The following SLC4A10 variants were observed in gnomAD, a reference collection of about 807,000 sequenced individuals.
The protein encoded by SLC4A10 is solute carrier family 4 member 10, also known as sodium-driven chloride bicarbonate exchanger.
SLC4A10 carries 42 observed loss-of-function variants against 137.7 expected under a neutral mutation model. That is an observed-to-expected ratio of 0.30 (90% CI 0.24 to 0.39). The LOEUF is 0.39. Ranked by LOEUF, SLC4A10 falls within the 10% of genes least tolerant of loss-of-function variation. The pLI is 1.00. For synonymous variants in SLC4A10, 474 were observed against 464.1 expected (o/e 1.02, Z -0.27); for missense variants, 925 against 1,355.0 (o/e 0.68, Z 4.98).
At chr2:161,652,307 G>T (rs79227269) in intron 1 of SLC4A10, among the ~76,000 whole-genome samples, 3 of 152,110 alleles carry the variant, frequency 2.0e-5, no homozygotes, top group Non-Finnish European at 4.4e-5. Context: ...TCTTTTACAC[G>T]TTGGGGTATG....
At chr2:161,902,699 T>G (rs1047469237) in intron 12 of SLC4A10, among the ~76,000 whole-genome samples, 3 of 152,152 alleles carry the variant, frequency 2.0e-5, no homozygotes, top group African/African-American at 4.8e-5. Context: ...GTAGAAGAGT[T>G]ATTAATAGGT....
At chr2:161,848,604 G>A (rs531154185) in intron 4 of SLC4A10, among the ~76,000 whole-genome samples, 4 of 152,150 alleles carry the variant, frequency 2.6e-5, no homozygotes, top group African/African-American at 7.2e-5. Context: ...CATATGGCTA[G>A]CCAGTTATCC....
chr2:161,979,802 C>G (rs189246546), intron 26 of SLC4A10, among the ~76,000 whole-genome samples: 2 of 152,264 alleles, frequency 1.3e-5, no homozygotes, highest in South Asian at 4.2e-4. Flanking sequence ...GCCTTTGACA[C>G]CCCCCATTCT....
Position 161,957,228 on chromosome 2 carries a change from C to A in SLC4A10, c.2781C>A (p.Thr927=), listed in dbSNP as rs1487295139. Residue 927 remains threonine, a synonymous_variant, in exon 20 of 27, where the codon ACC becomes ACA. Transcript: ENST00000446997. ...FILMGSSVFM[T]SILKFIPMPV... ...TTATGGGTTCATCAGTCTTTATGACCAGTATTCTGAAGGTAACAAAATCTG... is the reference window on the plus strand; with the variant it reads ...TTATGGGTTCATCAGTCTTTATGACAAGTATTCTGAAGGTAACAAAATCTG... 1.9e-6 allele frequency: 3 copies of A among 1,613,220 alleles called. No individual in the cohort carries two copies. The highest frequency in any genetic ancestry group is 1.7e-6 in the Non-Finnish European group (2 of 1,179,608).
chr2:161,717,501 G>A (rs1466224863), intron 1 of SLC4A10, among the ~76,000 whole-genome samples: 2 of 152,098 alleles, frequency 1.3e-5, no homozygotes, highest in Non-Finnish European at 2.9e-5. Context: ...TTAAGACGAA[G>A]GGATGTTGAA....
intron 3 of SLC4A10, among the ~76,000 whole-genome samples, chr2:161,821,087 G>A (rs1225276823): frequency 1.3e-5 from 2 of 152,110 alleles, no homozygotes; most frequent in Admixed American, 1.3e-4. Context: ...TTCTCTTCTA[G>A]GAAGTGCCTA....
chr2:161,948,273 A>C (rs895351489), intron 17 of SLC4A10, among the ~76,000 whole-genome samples: 3 of 152,116 alleles, frequency 2.0e-5, no homozygotes, highest in African/African-American at 7.2e-5. Context: ...AAAAAATTTA[A>C]AAAAAGGAAA....
intron 1 of SLC4A10, among the ~76,000 whole-genome samples, chr2:161,650,566 C>T (rs1158474577): frequency 6.6e-6 from 1 of 152,120 alleles, no homozygotes; most frequent in African/African-American, 2.4e-5. Context: ...CTGGGCATCC[C>T]GGCACTCTCG....
At chr2:161,725,581 G>A (rs144742386) in intron 1 of SLC4A10, among the ~76,000 whole-genome samples, 1,892 of 152,156 alleles carry the variant, frequency 0.012, 39 homozygotes, top group South Asian at 0.057. Flanking sequence ...CTCTCCTATT[G>A]GCTTGCCTGT....
At chr2:161,757,001 G>A (rs946171150) in intron 1 of SLC4A10, among the ~76,000 whole-genome samples, 4 of 152,212 alleles carry the variant, frequency 2.6e-5, no homozygotes, top group Admixed American at 6.5e-5. Context: ...AGAAAATGAG[G>A]CAGTATGTGC....
At chr2:161,894,648 G>A in intron 10 of SLC4A10, 31 bp from the exon 11 acceptor site, 1 of 1,133,838 alleles carries the variant, frequency 8.8e-7, no homozygotes. Flanking sequence ...TTATTTTTAA[G>A]CTATAAATAA....
intron 1 of SLC4A10, among the ~76,000 whole-genome samples, chr2:161,759,663 T>G (rs1212809117): frequency 5.9e-5 from 9 of 152,024 alleles, no homozygotes; most frequent in African/African-American, 2.2e-4. Context: ...GGAAAAATGT[T>G]TACTCAGGTC....
chr2:161,721,327 C>T (rs1332933854), intron 1 of SLC4A10, among the ~76,000 whole-genome samples: 2 of 152,100 alleles, frequency 1.3e-5, no homozygotes, highest in Non-Finnish European at 2.9e-5. Flanking sequence ...TAATGATTTT[C>T]CCTTTCATAT....
intron 15 of SLC4A10, among the ~76,000 whole-genome samples, chr2:161,938,170 C>T (rs1188604610): frequency 6.6e-6 from 1 of 152,102 alleles, no homozygotes; most frequent in Non-Finnish European, 1.5e-5. Context: ...ATTCGGGAGG[C>T]TGAGGCACGA....
chr2:161,873,865 T>G, intron 7 of SLC4A10, 51 bp from the exon 8 acceptor site: 1 of 1,540,392 alleles, frequency 6.5e-7, no homozygotes, highest in Admixed American at 1.9e-5. Context: ...CCTGGCGGAG[T>G]CTCCGTGGGA....
chr2:161,909,789 C>G (rs956770085), intron 15 of SLC4A10, among the ~76,000 whole-genome samples: 1 of 152,130 alleles, frequency 6.6e-6, no homozygotes, highest in South Asian at 2.1e-4. Flanking sequence ...CTAATTACTG[C>G]TATTTTAATG....
chr2:161,973,465 G>T (rs570440178), intron 23 of SLC4A10, among the ~76,000 whole-genome samples: 1 of 152,106 alleles, frequency 6.6e-6, no homozygotes, highest in African/African-American at 2.4e-5. Context: ...AGAAATGCAT[G>T]TATAAATATA....
At chr2:161,935,731 G>A (rs1691465314) in intron 15 of SLC4A10, among the ~76,000 whole-genome samples, 1 of 151,968 alleles carries the variant, frequency 6.6e-6, no homozygotes, top group Non-Finnish European at 1.5e-5. Context: ...GTGCAAATAA[G>A]GATAATTTTC....
At chr2:161,676,669 A>G (rs904169624) in intron 1 of SLC4A10, among the ~76,000 whole-genome samples, 1 of 152,138 alleles carries the variant, frequency 6.6e-6, no homozygotes, top group African/African-American at 2.4e-5. Flanking sequence ...TTTACTTTGG[A>G]GCATTTAAGT....
Sources: gnomAD v4.1 joint callset for allele counts (sites outside exome capture counted in the v4.1 genomes callset) on GRCh38, gnomAD v4.1.1 for gene constraint, MANE v1.5 for transcripts, NCBI Gene and HGNC (gene_info 2026-07-23, HGNC 2026-07-21) for gene names.